GRM7: variants seen among roughly 807,000 people sequenced by gnomAD.
GRM7 encodes metabotropic glutamate receptor 7.
Under a neutral mutation model 84.5 loss-of-function variants are expected in GRM7, and 35 were observed. The ratio of observed to expected loss-of-function variants is 0.41; its 90% CI spans 0.32 to 0.55. The LOEUF (loss-of-function observed/expected upper bound fraction) is 0.55, where lower values mean the gene tolerates loss of function less well. Ranked by LOEUF, GRM7 falls within the 20% of genes least tolerant of loss-of-function variation. The pLI is 0.19. For missense variants in GRM7, 1,003 were observed against 1,194.6 expected (o/e 0.84, Z 2.36); for synonymous variants, 487 against 455.1 (o/e 1.07, Z -0.89).
intron 2 of GRM7, among the ~76,000 whole-genome samples, chr3:7,219,177 C>T (rs1696714318): frequency 6.6e-6 from 1 of 152,102 alleles, no homozygotes; most frequent in Non-Finnish European, 1.5e-5. Context: ...TGCTAAATTT[C>T]CTACCTTAGT....
At chr3:7,125,224 C>A (rs182238221) in intron 1 of GRM7, among the ~76,000 whole-genome samples, 208 of 152,302 alleles carry the variant, frequency 1.4e-3, no homozygotes, top group African/African-American at 4.6e-3. Context: ...CAGGCGTGAG[C>A]CACCATGCCC....
At chr3:7,011,192 G>A (rs1390585018) in intron 1 of GRM7, among the ~76,000 whole-genome samples, 1 of 152,148 alleles carries the variant, frequency 6.6e-6, no homozygotes, top group Non-Finnish European at 1.5e-5. Flanking sequence ...TAAATTAAAT[G>A]AGCTGACTCA....
At chr3:7,144,800 C>T (rs1039817050) in intron 1 of GRM7, among the ~76,000 whole-genome samples, 1 of 152,154 alleles carries the variant, frequency 6.6e-6, no homozygotes, top group African/African-American at 2.4e-5. Context: ...TTGCATTAAA[C>T]CTCACTATAA....
intron 5 of GRM7, among the ~76,000 whole-genome samples, chr3:7,427,579 T>A (rs1220220565): frequency 6.6e-6 from 1 of 152,210 alleles, no homozygotes; most frequent in African/African-American, 2.4e-5. Context: ...TTTAATTTTG[T>A]CCATCTTTTT....
At chr3:6,904,353 T>C (rs559116898) in intron 1 of GRM7, among the ~76,000 whole-genome samples, 1 of 152,142 alleles carries the variant, frequency 6.6e-6, no homozygotes, top group Non-Finnish European at 1.5e-5. Flanking sequence ...ACTGTATGGG[T>C]TTAAGTCTCA....
At chr3:7,077,044 A>G (rs907181632) in intron 1 of GRM7, among the ~76,000 whole-genome samples, 5 of 152,198 alleles carry the variant, frequency 3.3e-5, no homozygotes, top group African/African-American at 1.2e-4. Flanking sequence ...TGCCAGTTAG[A>G]ATTGGGATGA....
chr3:7,530,991 T>C (rs1027577718), intron 7 of GRM7, among the ~76,000 whole-genome samples: 40 of 152,206 alleles, frequency 2.6e-4, no homozygotes, highest in African/African-American at 9.6e-4. Context: ...TTGCAATTAC[T>C]TTTGGTGTTT....
At chr3:7,373,473 A>G (rs1190311924) in intron 4 of GRM7, among the ~76,000 whole-genome samples, 1 of 152,282 alleles carries the variant, frequency 6.6e-6, no homozygotes, top group South Asian at 2.1e-4. Flanking sequence ...CTTCTTTATC[A>G]GTCTTCTCCA....
At chr3:7,679,928 A>G (rs1700295890) in intron 8 of GRM7, 121 bp from the exon 9 acceptor site, 2 of 855,096 alleles carry the variant, frequency 2.3e-6, no homozygotes, top group South Asian at 3.4e-5. Flanking sequence ...TTTATTTATC[A>G]AAATGCCCTG....
chr3:7,213,914 T>C (rs1696514790), intron 2 of GRM7, among the ~76,000 whole-genome samples: 2 of 152,300 alleles, frequency 1.3e-5, no homozygotes, highest in African/African-American at 4.8e-5. Flanking sequence ...TAGATGAGGA[T>C]AGTTTCATAA....
chr3:7,501,058 T>A (rs1037991479), intron 7 of GRM7, among the ~76,000 whole-genome samples: 2 of 152,216 alleles, frequency 1.3e-5, no homozygotes, highest in Non-Finnish European at 2.9e-5. Context: ...AGTAAAAAGA[T>A]AACTAATGTA....
intron 1 of GRM7, among the ~76,000 whole-genome samples, chr3:7,144,842 A>C (rs1694058501): frequency 1.3e-5 from 2 of 152,176 alleles, no homozygotes; most frequent in South Asian, 4.1e-4. Context: ...AGGACCCATC[A>C]GGAGACATGC....
At chr3:6,947,016 C>G (rs1698110050) in intron 1 of GRM7, among the ~76,000 whole-genome samples, 1 of 152,182 alleles carries the variant, frequency 6.6e-6, no homozygotes, top group Non-Finnish European at 1.5e-5. Context: ...AATTTGACTT[C>G]TTCTTTTCCT....
At position 7,644,120 on chromosome 3, in the gene GRM7, T is replaced by TTGTG. The variant is rs148514728; in HGVS notation, c.2452-35915_2452-35912dup. ...TGCAATTTTTAAAACACTGTGCATG[T>TTGTG]TGTGTGTGTGTGTGTGTATATATAT... On this transcript the variant is annotated intron_variant, in intron 8 of 9. Transcript: ENST00000357716. Among the ~76,000 whole-genome samples the TTGTG allele has an allele frequency of 3.3e-5, 4 of 119,916 alleles. 1 individual carries two copies. The highest frequency in any genetic ancestry group is 7.3e-5 in the Non-Finnish European group (4 of 54,550). The allele number at this position is 119,916 out of a possible 152,430, so 78.7% of individuals were successfully genotyped here.
intron 8 of GRM7, among the ~76,000 whole-genome samples, chr3:7,594,813 G>A (rs1695960304): frequency 6.6e-6 from 1 of 152,104 alleles, no homozygotes; most frequent in Non-Finnish European, 1.5e-5. Context: ...AGAGCAAGGA[G>A]AGATATATGG....
At chr3:7,335,868 A>G (rs1701398812) in intron 4 of GRM7, among the ~76,000 whole-genome samples, 1 of 151,948 alleles carries the variant, frequency 6.6e-6, no homozygotes, top group African/African-American at 2.4e-5. Flanking sequence ...AGAAAAAGAA[A>G]CTGAACAGAC....
intron 7 of GRM7, among the ~76,000 whole-genome samples, chr3:7,506,449 C>A (rs1016676666): frequency 6.6e-4 from 101 of 152,172 alleles, no homozygotes; most frequent in African/African-American, 2.3e-3. Flanking sequence ...CCAGCTTCTG[C>A]CCATTACCCA....
At chr3:7,452,517 A>G in intron 5 of GRM7, 90 bp from the exon 6 acceptor site, 1 of 891,732 alleles carries the variant, frequency 1.1e-6, no homozygotes, top group Non-Finnish European at 1.8e-6. Flanking sequence ...AGCATAATTG[A>G]AAGTTTACTT....
chr3:6,861,569 G>C lies in GRM7; in HGVS notation c.181G>C (p.Gly61Arg). The change falls in exon 1 of 10, where the codon GGT becomes CGT. Residue 61 changes from glycine to arginine, a missense_variant. Gly to Arg is a moderately radical substitution (Grantham distance 125, BLOSUM62 -2). This residue lies in a region of GRM7 where 910 missense variants were observed against 1,126.0 expected (regional missense o/e 0.81). Transcript: ENST00000357716. The surrounding 1 kb of genome is among the most constrained non-coding windows in gnomAD (Gnocchi z 6.4). ...LGGLFPVHAK[G>R]PSGVPCGDIK... ...GGGGCTGTTCCCCGTGCACGCCAAGGGTCCCAGCGGAGTGCCCTGCGGCGA... is the reference window on the plus strand; with the variant it reads ...GGGGCTGTTCCCCGTGCACGCCAAGCGTCCCAGCGGAGTGCCCTGCGGCGA... The C allele has an allele frequency of 6.2e-7, 1 of 1,601,788 alleles. No individual in the cohort carries two copies. The highest frequency in any genetic ancestry group is 8.5e-7 in the Non-Finnish European group (1 of 1,173,196).
Sources: allele counts gnomAD v4.1 joint callset (sites outside exome capture counted in the v4.1 genomes callset), GRCh38; gene constraint gnomAD v4.1.1; regional missense constraint gnomAD v4.1.1; non-coding constraint Gnocchi (gnomAD v3.1); transcripts MANE v1.5; gene names NCBI Gene and HGNC (gene_info 2026-07-23, HGNC 2026-07-21).